The following VAMP4 variants were observed in gnomAD, a reference collection of about 807,000 sequenced individuals.
VAMP4 encodes vesicle associated membrane protein 4.
Under a neutral mutation model 23.5 loss-of-function variants are expected in VAMP4, and 19 were observed. The ratio of observed to expected loss-of-function variants is 0.81; its 90% CI spans 0.56 to 1.19. The LOEUF is 1.19. VAMP4 is among the 50% of genes most tolerant of loss of function. The pLI, the probability that VAMP4 is intolerant of heterozygous loss-of-function variation, is 0.00. For synonymous variants in VAMP4, 31 were observed against 51.0 expected, an observed-to-expected ratio of 0.61 and a Z score of 1.67; for missense variants, 145 against 168.6, an observed-to-expected ratio of 0.86 and a Z score of 0.78.
At chr1:171,735,225 A>C (rs1430840303) in intron 2 of VAMP4, among the ~76,000 whole-genome samples, 11 of 152,242 alleles carry the variant, frequency 7.2e-5, no homozygotes, top group Non-Finnish European at 4.4e-5. Context: ...AGAAAGAAAC[A>C]CAGGGGAACT....
At chr1:171,713,814 T>C (rs1254480179) in intron 4 of VAMP4, among the ~76,000 whole-genome samples, 1 of 152,020 alleles carries the variant, frequency 6.6e-6, no homozygotes, top group African/African-American at 2.4e-5. Flanking sequence ...GCCTTAGCAA[T>C]AGAGATCTGT....
chr1:171,720,522 T>G (rs1050215698), intron 3 of VAMP4, among the ~76,000 whole-genome samples: 2 of 150,948 alleles, frequency 1.3e-5, no homozygotes, highest in African/African-American at 4.8e-5. Context: ...AGGCATAAAT[T>G]AGTAACAGGA....
chr1:171,710,088 GA>G (rs1250510954), intron 5 of VAMP4, among the ~76,000 whole-genome samples: 1 of 150,070 alleles, frequency 6.7e-6, no homozygotes, highest in Non-Finnish European at 1.5e-5. Context: ...CACACCTCTA[GA>G]AAAAAAATTA....
chr1:171,713,680 A>T lies in VAMP4; in HGVS notation c.165-2866T>A, dbSNP rs1237330602. Among the ~76,000 whole-genome samples the T allele has an allele frequency of 2.6e-5, 4 of 152,180 alleles. No individual in the cohort carries two copies. In the East Asian group the frequency reaches 5.8e-4, roughly 22 times the overall value. ...AGCCCTTGTCTTTACAAAAAAATTT[A>T]AAAATAAGCTGGTTATGGTGGCATG... On this transcript the variant is annotated intron_variant, in intron 4 of 7. Transcript: ENST00000236192.
At chr1:171,708,980 T>C (rs1243578690) in intron 6 of VAMP4, among the ~76,000 whole-genome samples, 1 of 149,628 alleles carries the variant, frequency 6.7e-6, no homozygotes, top group Non-Finnish European at 1.5e-5. Flanking sequence ...AGCCAAAAAT[T>C]ATAACTAGAA....
chr1:171,722,802 T>C (rs184699152), intron 3 of VAMP4, among the ~76,000 whole-genome samples: 83 of 152,092 alleles, frequency 5.5e-4, no homozygotes, highest in African/African-American at 1.9e-3. Context: ...TTTTACACTG[T>C]TGATGGGAGT....
At chr1:171,708,639 T>C (rs1654738834) in intron 6 of VAMP4, among the ~76,000 whole-genome samples, 1 of 150,376 alleles carries the variant, frequency 6.6e-6, no homozygotes, top group East Asian at 2.0e-4. Context: ...GGCAGGTGGA[T>C]CACCTGAGGT....
chr1:171,738,453 A>T lies in VAMP4; in HGVS notation c.-39T>A. On this transcript the variant is annotated 5_prime_UTR_variant, in exon 2 of 8. Coordinates refer to ENST00000236192, the MANE Select transcript of VAMP4 (RefSeq NM_003762.5). Reference sequence around the variant, plus strand: ...AAAGTATCTTTTGCTTCTCAACAGGATAGTCACCACCTTAAAGAGAAAATA... The same window carrying T: ...AAAGTATCTTTTGCTTCTCAACAGGTTAGTCACCACCTTAAAGAGAAAATA... 2 of 1,587,496 alleles carry T rather than the reference A, an allele frequency of 1.3e-6. No individual in the cohort carries two copies. Among genetic ancestry groups the T allele is most frequent in the Non-Finnish European group, 1.7e-6 (2 of 1,156,562 alleles).
chr1:171,727,516 G>C (rs990718230), intron 3 of VAMP4, among the ~76,000 whole-genome samples: 1 of 152,178 alleles, frequency 6.6e-6, no homozygotes, highest in African/African-American at 2.4e-5. Flanking sequence ...CTCATACAAT[G>C]CTGGTGACAA....
chr1:171,713,436 TACTCTTAG>T lies in VAMP4; in HGVS notation c.165-2630_165-2623del, dbSNP rs150930381. ...GATATTAATATATGTATACTATACG[TACTCTTAG>T]ACGAGATCGGGCGCATTCAGGGTGG... On this transcript the variant is annotated intron_variant, in intron 4 of 7. Coordinates refer to ENST00000236192, the MANE Select transcript of VAMP4 (RefSeq NM_003762.5). 7.8e-3 allele frequency among the ~76,000 whole-genome samples: 1,188 copies of T among 152,282 alleles called. 15 individuals carry two copies. The highest frequency in any genetic ancestry group is 0.027 in the African/African-American group (1,125 of 41,550).
At position 171,710,778 on chromosome 1, in the gene VAMP4, C is replaced by A. The variant is rs774580642; in HGVS notation, c.201G>T (p.Met67Ile). 1.2e-6 allele frequency: 2 copies of A among 1,609,732 alleles called. No individual in the cohort carries two copies. The highest frequency in any genetic ancestry group is 1.1e-5 in the South Asian group (1 of 90,530). ...CAATTACCTTTGTAATATTTTCTTG[C>A]ATGACATCAATAACTTCATCCACTT... ...QNQVDEVIDV[M>I]QENITKVIER... The change falls in exon 5 of 8, where the codon ATG (methionine) becomes ATT (isoleucine). Residue 67 changes from methionine (M) to isoleucine (I), a missense_variant. Met to Ile is a conservative substitution (Grantham distance 10, BLOSUM62 1). Transcript: ENST00000236192.
intron 3 of VAMP4, among the ~76,000 whole-genome samples, chr1:171,720,083 T>C (rs756037346): frequency 3.2e-4 from 49 of 151,782 alleles, no homozygotes; most frequent in Non-Finnish European, 3.5e-4. Flanking sequence ...TGTGAATATA[T>C]CATCTTGCCT....
At position 171,742,024 on chromosome 1, in the gene VAMP4, C is replaced by A. The variant is rs888801012; in HGVS notation, c.-164G>T. ...GGGAGGGGGAGACAGTTGGTGCGGA[C>A]CCGGCGTCGGCCGCAGCGCCGCAGC... On this transcript the variant is annotated 5_prime_UTR_variant, in exon 1 of 8. Transcript: ENST00000236192. 3.3e-5 allele frequency: 5 copies of A among 152,148 alleles called. No individual in the cohort carries two copies. The highest frequency in any genetic ancestry group is 7.2e-5 in the African/African-American group (3 of 41,406). 9.4% of individuals were successfully genotyped at this position (152,148 alleles called of 1,614,324 possible).
chr1:171,714,260 A>C (rs1055982728), intron 4 of VAMP4, among the ~76,000 whole-genome samples: 2 of 152,154 alleles, frequency 1.3e-5, no homozygotes, highest in African/African-American at 4.8e-5. Flanking sequence ...ATACTTCCCC[A>C]TGATCTTTTA....
chr1:171,706,166 T>C (rs373211299), intron 7 of VAMP4, among the ~76,000 whole-genome samples: 1 of 152,178 alleles, frequency 6.6e-6, no homozygotes, highest in African/African-American at 2.4e-5. Flanking sequence ...AAAATGTACA[T>C]ATACATATTC....
At chr1:171,727,458 A>T (rs180837671) in intron 3 of VAMP4, among the ~76,000 whole-genome samples, 102 of 152,296 alleles carry the variant, frequency 6.7e-4, no homozygotes, top group Admixed American at 2.0e-3. Flanking sequence ...AAAGAGGCTG[A>T]AAAAGACTGA....
intron 2 of VAMP4, among the ~76,000 whole-genome samples, chr1:171,734,432 C>T (rs1194764804): frequency 6.6e-6 from 1 of 151,972 alleles, no homozygotes; most frequent in Non-Finnish European, 1.5e-5. Context: ...AGTGCAGTTG[C>T]TTAGAGGCTG....
intron 5 of VAMP4, 82 bp from the exon 6 acceptor site, chr1:171,709,826 T>A: frequency 8.8e-7 from 1 of 1,138,990 alleles, no homozygotes; most frequent in Non-Finnish European, 1.3e-6. Context: ...TAAGAAAATA[T>A]TAATTTCTAC....
chr1:171,706,264 A>G, intron 7 of VAMP4, 103 bp downstream of exon 7: 3 of 1,094,882 alleles, frequency 2.7e-6, no homozygotes, highest in South Asian at 1.6e-5. Context: ...TCATTATTCA[A>G]TCCTGACTTC....
Sources: gnomAD v4.1 joint callset for allele counts (sites outside exome capture counted in the v4.1 genomes callset) on GRCh38, gnomAD v4.1.1 for gene constraint, MANE v1.5 for transcripts, NCBI Gene and HGNC (gene_info 2026-07-23, HGNC 2026-07-21) for gene names.